DENND1A: variants seen among roughly 807,000 people sequenced by gnomAD.
DENND1A encodes DENN domain-containing protein 1A.
A neutral mutation model predicts 113.7 loss-of-function variants in DENND1A; 51 were observed. The observed-to-expected ratio is 0.45, with a 90% CI of 0.36 to 0.57. DENND1A has a LOEUF of 0.57. Ranked by LOEUF, DENND1A falls within the 20% of genes least tolerant of loss-of-function variation. The probability of loss-of-function intolerance (pLI) is 0.00; values close to 1 mark genes in which losing one functional copy is unlikely to be tolerated. For missense variants in DENND1A, 1,258 were observed against 1,395.9 expected (o/e 0.90, Z 1.57); for synonymous variants, 565 against 570.8 (o/e 0.99, Z 0.14).
intron 13 of DENND1A, among the ~76,000 whole-genome samples, chr9:123,518,630 A>G (rs1156426552): frequency 1.3e-5 from 2 of 152,164 alleles, no homozygotes; most frequent in Non-Finnish European, 2.9e-5. Context: ...CATACAGAGA[A>G]GACTGGACAA....
intron 3 of DENND1A, among the ~76,000 whole-genome samples, chr9:123,786,974 C>T (rs1229071761): frequency 1.3e-5 from 2 of 151,938 alleles, no homozygotes; most frequent in African/African-American, 4.8e-5. Context: ...ATGGGATACA[C>T]CCAAGTTCAA....
intron 2 of DENND1A, among the ~76,000 whole-genome samples, chr9:123,831,696 T>G (rs1840242995): frequency 6.6e-6 from 1 of 152,220 alleles, no homozygotes; most frequent in Non-Finnish European, 1.5e-5. Flanking sequence ...AATAGTGCTA[T>G]GCCTACTGAA....
At chr9:123,759,733 A>G (rs2070880733) in intron 4 of DENND1A, 1 of 152,280 alleles carries the variant, frequency 6.6e-6, no homozygotes, top group African/African-American at 2.4e-5. Flanking sequence ...ATTAAATTAG[A>G]GCAGATTTTG....
At chr9:123,482,902 G>A (rs1381774123) in intron 13 of DENND1A, among the ~76,000 whole-genome samples, 1 of 152,186 alleles carries the variant, frequency 6.6e-6, no homozygotes, top group East Asian at 1.9e-4. Flanking sequence ...AACCAAGCCT[G>A]GGCATGGATC....
chr9:123,433,552 C>T (rs1253207442), intron 19 of DENND1A, among the ~76,000 whole-genome samples: 1 of 152,174 alleles, frequency 6.6e-6, no homozygotes, highest in Non-Finnish European at 1.5e-5. Context: ...AAGATAAACC[C>T]CTACAAAACT....
At chr9:123,643,901 C>T (rs565650407) in intron 9 of DENND1A, among the ~76,000 whole-genome samples, 3 of 152,180 alleles carry the variant, frequency 2.0e-5, no homozygotes, top group Non-Finnish European at 2.9e-5. Flanking sequence ...AAGGTGACGA[C>T]GACCAGGCAG....
At position 123,623,467 on chromosome 9, in the gene DENND1A, ATAAGAC is replaced by A. The variant is rs374974539; in HGVS notation, c.719+6903_719+6908del. Among the ~76,000 whole-genome samples, 646 of 152,354 alleles carry A rather than the reference ATAAGAC, an allele frequency of 4.2e-3. 5 individuals are homozygous for A. The highest frequency in any genetic ancestry group is 0.015 in the African/African-American group (624 of 41,578). On this transcript the variant is annotated intron_variant, in intron 10 of 23. Transcript: ENST00000394215. ...TTAATGGTTACATAGTTAATAAGAG[ATAAGAC>A]TAAGATTTGAATCCAGGTCTGCCTG...
chr9:123,618,070 G>A (rs2060746679), intron 10 of DENND1A, among the ~76,000 whole-genome samples: 1 of 152,130 alleles, frequency 6.6e-6, no homozygotes. Flanking sequence ...CGTTTTAAAG[G>A]GAAGACGAAC....
At chr9:123,889,809 C>T (rs1297776013) in intron 1 of DENND1A, among the ~76,000 whole-genome samples, 4 of 152,044 alleles carry the variant, frequency 2.6e-5, no homozygotes, top group African/African-American at 9.7e-5. Flanking sequence ...CCCGTCTCTA[C>T]TAAAAATACA....
intron 9 of DENND1A, among the ~76,000 whole-genome samples, chr9:123,642,332 T>G (rs1053646206): frequency 2.0e-5 from 3 of 152,258 alleles, no homozygotes; most frequent in African/African-American, 7.2e-5. Flanking sequence ...TTAACAGTTT[T>G]AAATATTCTC....
intron 10 of DENND1A, among the ~76,000 whole-genome samples, chr9:123,628,833 T>A (rs2061355439): frequency 6.6e-6 from 1 of 152,190 alleles, no homozygotes; most frequent in Non-Finnish European, 1.5e-5. Context: ...ATACTCCACA[T>A]GGTAGAAAAC....
At chr9:123,412,201 T>C (rs58645062) in intron 19 of DENND1A, among the ~76,000 whole-genome samples, 251 of 152,330 alleles carry the variant, frequency 1.6e-3, no homozygotes, top group African/African-American at 5.6e-3. Context: ...TGGCACTGCA[T>C]GTCCCCCAAG....
chr9:123,724,538 T>C (rs1006417059), intron 5 of DENND1A, among the ~76,000 whole-genome samples: 3 of 151,522 alleles, frequency 2.0e-5, no homozygotes, highest in Non-Finnish European at 4.4e-5. Context: ...AAAAAAGTCA[T>C]TGAGCAGACT....
chr9:123,697,586 G>A (rs1254209376), intron 5 of DENND1A, among the ~76,000 whole-genome samples: 4 of 152,104 alleles, frequency 2.6e-5, no homozygotes, highest in Admixed American at 6.5e-5. Flanking sequence ...TCATTCTTAT[G>A]CCTTTGCATC....
In DENND1A at chr9:123,381,477, T is replaced by TGGGGCC. The variant is rs751587146; in HGVS notation, c.3162_3167dup (p.Ala1055_Pro1056dup). 2.0e-5 allele frequency: 33 copies of TGGGGCC among 1,613,344 alleles called. No homozygotes were observed. Among genetic ancestry groups the TGGGGCC allele is most frequent in the African/African-American group, 5.3e-5 (4 of 74,860 alleles). ...GCTTCCTGAGCTGCTCCACCGAGTC[T>TGGGGCC]GGGGCCGGGGCCAGGGCCGGACTCG... On this transcript the variant is annotated inframe_insertion, in exon 24 of 24. Coordinates refer to ENST00000394215, the MANE Select transcript of DENND1A (RefSeq NM_001352964.2). This position sits in a 1 kb window ranked among gnomAD's most constrained non-coding sequence, Gnocchi z 4.7.
At chr9:123,787,955 A>G (rs1212438846) in intron 3 of DENND1A, among the ~76,000 whole-genome samples, 3 of 152,148 alleles carry the variant, frequency 2.0e-5, no homozygotes, top group Non-Finnish European at 2.9e-5. Flanking sequence ...AGTGGAAAGA[A>G]AAATTACCTG....
chr9:123,540,073 TA>T (rs2056171891), intron 13 of DENND1A, among the ~76,000 whole-genome samples: 1 of 152,188 alleles, frequency 6.6e-6, no homozygotes, highest in African/African-American at 2.4e-5. Context: ...TATTTTCCAC[TA>T]AAATACATAC....
At chr9:123,589,725 C>T (rs1165872326) in intron 11 of DENND1A, among the ~76,000 whole-genome samples, 1 of 148,872 alleles carries the variant, frequency 6.7e-6, no homozygotes, top group Non-Finnish European at 1.5e-5. Context: ...GAGAAACACA[C>T]ACACAAAATG....
At chr9:123,639,967 G>T (rs1057290768) in intron 9 of DENND1A, among the ~76,000 whole-genome samples, 4 of 152,090 alleles carry the variant, frequency 2.6e-5, no homozygotes, top group Non-Finnish European at 2.9e-5. Context: ...AGGCTCCTGG[G>T]TGTTGAGGAA....
Sources: gnomAD v4.1 joint callset for allele counts (sites outside exome capture counted in the v4.1 genomes callset) on GRCh38, gnomAD v4.1.1 for gene constraint, Gnocchi (gnomAD v3.1) non-coding constraint, MANE v1.5 for transcripts, NCBI Gene and HGNC (gene_info 2026-07-23, HGNC 2026-07-21) for gene names.